The following CSMD3 variants were observed in gnomAD, a reference collection of about 807,000 sequenced individuals.
CSMD3 encodes CUB and sushi domain-containing protein 3.
Under a neutral mutation model 435.2 loss-of-function variants are expected in CSMD3, and 177 were observed. That is an observed-to-expected ratio of 0.41 (90% CI 0.36 to 0.46). CSMD3 has a LOEUF of 0.46. Ranked by LOEUF, CSMD3 falls within the 20% of genes least tolerant of loss-of-function variation. The pLI, the probability that CSMD3 is intolerant of heterozygous loss-of-function variation, is 0.34. For synonymous variants in CSMD3, 1,656 were observed against 1,520.5 expected, an observed-to-expected ratio of 1.09 and a Z score of -2.07; for missense variants, 4,265 against 4,504.6, an observed-to-expected ratio of 0.95 and a Z score of 1.52.
intron 27 of CSMD3, among the ~76,000 whole-genome samples, chr8:112,532,001 TTAGA>T (rs890676631): frequency 1.3e-5 from 2 of 151,456 alleles, no homozygotes; most frequent in African/African-American, 4.8e-5. Context: ...TAGAAGTTTA[TTAGA>T]TAAATTATAT....
At position 112,281,353 on chromosome 8, in the gene CSMD3, A is replaced by G; in HGVS notation, c.9332-3T>C. ...TCCTGGGTTACCACACTGCACAGCT[A>G]TAAAACAAAGTGTTTAAGAGTATAT... On this transcript the variant is annotated splice_region_variant and splice_polypyrimidine_tract_variant and intron_variant, in intron 58 of 70. Coordinates refer to ENST00000297405, the MANE Select transcript of CSMD3 (RefSeq NM_198123.2). 2 of 1,611,720 alleles carry G rather than the reference A, an allele frequency of 1.2e-6. No homozygotes were observed. The highest frequency in any genetic ancestry group is 1.1e-5 in the South Asian group (1 of 91,038).
chr8:113,096,985 T>G (rs1427068159), intron 5 of CSMD3, among the ~76,000 whole-genome samples: 3 of 152,070 alleles, frequency 2.0e-5, no homozygotes, highest in Non-Finnish European at 4.4e-5. Flanking sequence ...CTTATTTATG[T>G]TGATTACTGC....
intron 13 of CSMD3, among the ~76,000 whole-genome samples, chr8:112,774,405 G>C (rs1398927135): frequency 6.6e-6 from 1 of 151,820 alleles, no homozygotes; most frequent in South Asian, 2.1e-4. Context: ...AGAATTTTCC[G>C]TACTTTATTC....
chr8:113,280,297 CT>C (rs556987620), intron 2 of CSMD3, among the ~76,000 whole-genome samples: 26 of 151,834 alleles, frequency 1.7e-4, no homozygotes, highest in African/African-American at 6.3e-4. Flanking sequence ...TGGTCTTGGA[CT>C]TTTTTTCGTT....
intron 22 of CSMD3, among the ~76,000 whole-genome samples, chr8:112,587,737 T>C (rs538222416): frequency 2.3e-3 from 350 of 151,986 alleles, no homozygotes; most frequent in African/African-American, 8.0e-3. Context: ...AATCAAATAT[T>C]ACATTATCTT....
chr8:112,650,466 G>T, intron 18 of CSMD3, 117 bp from the exon 19 acceptor site: 1 of 838,356 alleles, frequency 1.2e-6, no homozygotes. Flanking sequence ...AAAGGTACTC[G>T]TACTTCATTT....
intron 1 of CSMD3, among the ~76,000 whole-genome samples, chr8:113,360,511 A>C (rs757542720): frequency 6.6e-6 from 1 of 151,712 alleles, no homozygotes; most frequent in Non-Finnish European, 1.5e-5. Flanking sequence ...AAAAGTGATG[A>C]CACTATAAAC....
chr8:112,716,557 T>C lies in CSMD3; in HGVS notation c.1973-26507A>G, dbSNP rs1480152076. On this transcript the variant is annotated intron_variant, in intron 13 of 70. Coordinates refer to ENST00000297405, the MANE Select transcript of CSMD3 (RefSeq NM_198123.2). ...CAAACTACCATTGACATTTTTCACA[T>C]AATGACAAAAAGAACCACTTTAAAT... 3.3e-5 allele frequency among the ~76,000 whole-genome samples: 5 copies of C among 152,050 alleles called. No homozygotes were observed. In the East Asian group the frequency reaches 5.8e-4, roughly 18 times the overall value.
intron 6 of CSMD3, among the ~76,000 whole-genome samples, chr8:113,008,689 A>T (rs2086146807): frequency 6.6e-6 from 1 of 151,714 alleles, no homozygotes; most frequent in Non-Finnish European, 1.5e-5. Context: ...ATTTGGGAAC[A>T]TGCATCTTTC....
At chr8:112,940,297 T>C (rs1245160986) in intron 9 of CSMD3, among the ~76,000 whole-genome samples, 1 of 151,786 alleles carries the variant, frequency 6.6e-6, no homozygotes, top group African/African-American at 2.4e-5. Context: ...CAAATTGTTA[T>C]TTGCTCTCAA....
chr8:113,028,268 C>A (rs539591294), intron 5 of CSMD3, among the ~76,000 whole-genome samples: 126 of 145,552 alleles, frequency 8.7e-4, no homozygotes, highest in African/African-American at 2.9e-3. Context: ...AGATGGTGAA[C>A]TTAATCAGTA....
Position 112,576,316 on chromosome 8 carries a change from A to G in CSMD3, c.3886-2659T>C, listed in dbSNP as rs796899269. Among the ~76,000 whole-genome samples the G allele has an allele frequency of 3.5e-4, 53 of 152,246 alleles. 1 individual carries two copies. Among genetic ancestry groups the G allele is most frequent in the African/African-American group, 1.2e-3 (51 of 41,592 alleles). On this transcript the variant is annotated intron_variant, in intron 23 of 70. Coordinates refer to ENST00000297405, the MANE Select transcript of CSMD3 (RefSeq NM_198123.2). ...TAGTAGAAACTATTACTTGATACAT[A>G]TAAATTTTTCCTATATATAACAATG...
At chr8:112,825,775 T>C (rs2079660106) in intron 12 of CSMD3, among the ~76,000 whole-genome samples, 2 of 152,046 alleles carry the variant, frequency 1.3e-5, no homozygotes, top group Non-Finnish European at 1.5e-5. Context: ...CTGTATAGGG[T>C]GTCTGAGAAC....
In CSMD3 at chr8:113,292,270, AAG is replaced by A. The variant is rs1250866392; in HGVS notation, c.402-13568_402-13567del. On this transcript the variant is annotated intron_variant, in intron 2 of 70. Transcript: ENST00000297405. Reference sequence around the variant, plus strand: ...AATTTATAAGTTATTGAATTTCTGAAAGAGAGAATATTGGCAAGCATAATATT... The same window carrying A: ...AATTTATAAGTTATTGAATTTCTGAAAGAGAATATTGGCAAGCATAATATT... Among the ~76,000 whole-genome samples, 8 of 151,906 alleles carry A rather than the reference AAG, an allele frequency of 5.3e-5. No homozygotes were observed. In the South Asian group the frequency reaches 1.2e-3, roughly 24 times the overall value.
rs1816509740 is a variant in CSMD3 at position 112,453,493 on chromosome 8, A to G, written c.5395+19098T>C. On this transcript the variant is annotated intron_variant, in intron 32 of 70. Transcript: ENST00000297405. ...AACGTTCAAGCTGAGAGCCAAATCA[A>G]GAATGAAATAACATTTACAATAGCC... is the stretch of plus-strand genomic sequence containing the variant. Among the ~76,000 whole-genome samples the G allele has an allele frequency of 1.3e-5, 2 of 152,136 alleles. 1 individual carries two copies. Among genetic ancestry groups the G allele is most frequent in the South Asian group, 4.1e-4 (2 of 4,832 alleles).
intron 5 of CSMD3, among the ~76,000 whole-genome samples, chr8:113,088,024 ACAAC>A (rs1380878523): frequency 2.0e-5 from 3 of 148,906 alleles, no homozygotes; most frequent in Admixed American, 6.7e-5. Flanking sequence ...AAAAAAACAA[ACAAC>A]CCCATCAAAA....
intron 38 of CSMD3, among the ~76,000 whole-genome samples, chr8:112,355,078 A>C (rs934639427): frequency 1.3e-5 from 2 of 152,238 alleles, no homozygotes; most frequent in Non-Finnish European, 2.9e-5. Flanking sequence ...TTTTCATCAA[A>C]GTTGACAGAA....
intron 28 of CSMD3, 26 bp from the exon 29 acceptor site, chr8:112,506,855 T>C (rs1401832475): frequency 6.3e-7 from 1 of 1,588,546 alleles, no homozygotes; most frequent in Non-Finnish European, 8.6e-7. Flanking sequence ...ACAAATAAAA[T>C]CTCTTTAAAC....
intron 5 of CSMD3, among the ~76,000 whole-genome samples, chr8:113,083,328 A>T (rs1246874875): frequency 6.6e-6 from 1 of 152,114 alleles, no homozygotes; most frequent in Non-Finnish European, 1.5e-5. Context: ...GGAGAGAATG[A>T]GATGATATAT....
Sources: gnomAD v4.1 joint callset for allele counts (sites outside exome capture counted in the v4.1 genomes callset) on GRCh38, gnomAD v4.1.1 for gene constraint, MANE v1.5 for transcripts, NCBI Gene and HGNC (gene_info 2026-07-23, HGNC 2026-07-21) for gene names.